POLR3A: variants seen among roughly 807,000 people sequenced by gnomAD.
The protein encoded by POLR3A is DNA-directed RNA polymerase III subunit RPC1.
In POLR3A, 112 loss-of-function variants were observed where a neutral mutation model predicts 152.8. That is an observed-to-expected ratio of 0.73 (90% confidence interval 0.63 to 0.86). POLR3A has a LOEUF of 0.86. Ranked by LOEUF, POLR3A falls within the 40% of genes least tolerant of loss-of-function variation. The pLI is 0.00. For synonymous variants in POLR3A, 615 were observed against 652.1 expected (o/e 0.94, Z 0.87); for missense variants, 1,385 against 1,743.1 (o/e 0.79, Z 3.66).
At chr10:78,001,792 C>CGG (rs1847359870) in intron 17 of POLR3A, among the ~76,000 whole-genome samples, 2 of 152,090 alleles carry the variant, frequency 1.3e-5, no homozygotes, top group Non-Finnish European at 2.9e-5. Context: ...CAAGCCACCA[C>CGG]GCCCAGCTAA....
intron 18 of POLR3A, among the ~76,000 whole-genome samples, 157 bp from the exon 19 acceptor site, chr10:78,000,275 G>A (rs1847344544): frequency 6.6e-6 from 1 of 152,184 alleles, no homozygotes; most frequent in Admixed American, 6.5e-5. Flanking sequence ...CTTTCCTTAT[G>A]GAGAAATACT....
At position 77,980,208 on chromosome 10, in the gene POLR3A, G is replaced by A. The variant is rs1847126887; in HGVS notation, c.3957C>T (p.Ala1319=). ...GATGGTCAGCCGTCTTCTCAAAGGAGGCCAGCATCAGCACACTCTCCTTCA... is the reference window on the plus strand; with the variant it reads ...GATGGTCAGCCGTCTTCTCAAAGGAAGCCAGCATCAGCACACTCTCCTTCA... ...AKMKESVLML[A]SFEKTADHLF... The change falls in exon 30 of 31, where the codon GCC becomes GCT. Residue 1319 remains alanine, a synonymous_variant. Transcript: ENST00000372371. 6.2e-7 allele frequency: 1 copy of A among 1,613,754 alleles called. No individual in the cohort carries two copies. The highest frequency in any genetic ancestry group is 8.5e-7 in the Non-Finnish European group (1 of 1,179,674).
At chr10:77,980,557 G>C (rs1030190306) in intron 29 of POLR3A, among the ~76,000 whole-genome samples, 1 of 151,740 alleles carries the variant, frequency 6.6e-6, no homozygotes, top group Non-Finnish European at 1.5e-5. Flanking sequence ...TTTCTGAAGA[G>C]ATTTCTTATG....
intron 20 of POLR3A, among the ~76,000 whole-genome samples, chr10:77,991,793 A>G (rs559551061): frequency 1.7e-4 from 26 of 152,324 alleles, no homozygotes; most frequent in African/African-American, 6.0e-4. Context: ...CCAAAGGACT[A>G]GGATTACAAG....
At chr10:77,992,578 GA>G (rs1847260169) in intron 20 of POLR3A, among the ~76,000 whole-genome samples, 1 of 151,546 alleles carries the variant, frequency 6.6e-6, no homozygotes, top group Non-Finnish European at 1.5e-5. Context: ...AAGTAGCTGG[GA>G]TTATAGGCAC....
At chr10:78,002,360 A>G (rs1333068061) in intron 16 of POLR3A, 52 bp from the exon 17 acceptor site, 10 of 1,117,686 alleles carry the variant, frequency 8.9e-6, no homozygotes, top group Non-Finnish European at 1.1e-5. Context: ...GTCTCTGTGG[A>G]TTACAAATGT....
chr10:77,983,968 A>G lies in POLR3A; in HGVS notation c.3381T>C (p.Phe1127=). ...GTTCCAGGGAGAGCTTGACGAGAAT[A>G]AAGCAGTCATCAGGAAGAAACACTT... The part of the protein sequence containing the change: ...IEEVFLPDDC[F]ILVKLSLERI... Residue 1127 remains phenylalanine, a synonymous_variant, in exon 26 of 31, where the codon TTT becomes TTC. Coordinates refer to ENST00000372371, the MANE Select transcript of POLR3A (RefSeq NM_007055.4). The G allele has an allele frequency of 6.2e-7, 1 of 1,612,994 alleles. No homozygotes were observed. Among genetic ancestry groups the G allele is most frequent in the Non-Finnish European group, 8.5e-7 (1 of 1,178,966 alleles).
intron 19 of POLR3A, among the ~76,000 whole-genome samples, chr10:77,998,505 C>T (rs1320071722): frequency 6.6e-6 from 1 of 152,218 alleles, no homozygotes; most frequent in African/African-American, 2.4e-5. Context: ...TGAACAGACA[C>T]TTCTCAAAAG....
intron 21 of POLR3A, among the ~76,000 whole-genome samples, chr10:77,988,482 ACT>A (rs758340484): frequency 2.0e-5 from 3 of 151,402 alleles, no homozygotes; most frequent in Non-Finnish European, 4.4e-5. Flanking sequence ...AGATTGTGAG[ACT>A]CTGTCTCAGG....
intron 20 of POLR3A, among the ~76,000 whole-genome samples, chr10:77,991,820 A>C (rs1847251209): frequency 6.6e-6 from 1 of 152,112 alleles, no homozygotes; most frequent in Admixed American, 6.6e-5. Context: ...CCCCAGCAGA[A>C]TTTCCTCTTT....
intron 10 of POLR3A, 33 bp downstream of exon 10, chr10:78,017,542 G>A (rs1589316351): frequency 8.1e-6 from 13 of 1,610,640 alleles, no homozygotes; most frequent in East Asian, 2.2e-5. Flanking sequence ...AAATTTCTAC[G>A]TGATGGAAAA....
Position 77,977,422 on chromosome 10 carries a change from T to A in POLR3A, c.*56A>T. The A allele has an allele frequency of 6.3e-7, 1 of 1,587,082 alleles. No homozygotes were observed. The highest frequency in any genetic ancestry group is 1.1e-5 in the South Asian group (1 of 90,534). On this transcript the variant is annotated 3_prime_UTR_variant, in exon 31 of 31. Transcript: ENST00000372371. Reference sequence around the variant, plus strand: ...CAGGGAGCACAAAACTCTTTATACATCAGCTGGAGACAGGACAAGGAGTCA... The same window carrying A: ...CAGGGAGCACAAAACTCTTTATACAACAGCTGGAGACAGGACAAGGAGTCA...
In POLR3A at chr10:78,007,770, C is replaced by T. The variant is rs770551721; in HGVS notation, c.2006G>A (p.Arg669Gln). 18 of 1,613,956 alleles carry T rather than the reference C, an allele frequency of 1.1e-5. No individual in the cohort carries two copies. In the African/African-American group the frequency reaches 1.2e-4, roughly 11 times the overall value. Residue 669 changes from arginine to glutamine, a missense_variant, in exon 15 of 31, where the codon CGA (arginine) becomes CAA (glutamine). Physicochemically the swap from Arg to Gln is conservative, Grantham distance 43. Transcript: ENST00000372371. Reference protein sequence around the residue: ...SKNNIFYILLRDWGQNEAADA... With the variant: ...SKNNIFYILLQDWGQNEAADA... ...TGCAGCTTCATTCTGTCCCCAGTCTCGCAGCAAAATGTAAAAAATATTGTT... is the reference window on the plus strand; with the variant it reads ...TGCAGCTTCATTCTGTCCCCAGTCTTGCAGCAAAATGTAAAAAATATTGTT...
At chr10:78,009,811 C>T (rs951091323) in intron 13 of POLR3A, 53 bp downstream of exon 13, 44 of 1,609,550 alleles carry the variant, frequency 2.7e-5, no homozygotes, top group Admixed American at 2.5e-4. Context: ...ACCAGTCTAC[C>T]CCCACAGACA....
chr10:77,989,714 T>G (rs1847229435), intron 21 of POLR3A, among the ~76,000 whole-genome samples: 1 of 152,176 alleles, frequency 6.6e-6, no homozygotes, highest in South Asian at 2.1e-4. Context: ...TCTGTTGGCG[T>G]TCACAGCATG....
At chr10:77,998,126 T>G (rs928572246) in intron 19 of POLR3A, among the ~76,000 whole-genome samples, 1 of 152,158 alleles carries the variant, frequency 6.6e-6, no homozygotes, top group Non-Finnish European at 1.5e-5. Flanking sequence ...CTGGATCCCT[T>G]CCTTATACCT....
Position 77,975,760 on chromosome 10 carries a change from C to G in POLR3A, c.*1718G>C, listed in dbSNP as rs144088118. ...CAATTCTACCCTCCCCTGGCCTTTG[C>G]ACGGATCCCAGTGGTCCTGGCTCGG... On this transcript the variant is annotated 3_prime_UTR_variant, in exon 31 of 31. Transcript: ENST00000372371. The G allele has an allele frequency of 3.8e-3, 579 of 152,418 alleles. 5 individuals are homozygous for G. The highest frequency in any genetic ancestry group is 0.013 in the African/African-American group (543 of 41,584). 9.4% of individuals were successfully genotyped at this position (152,418 alleles called of 1,614,324 possible). A position where few individuals can be genotyped will look rare whatever the true frequency, so the allele number is the denominator to read the frequency against.
At chr10:78,016,990 C>G (rs1404482781) in intron 10 of POLR3A, among the ~76,000 whole-genome samples, 1 of 150,364 alleles carries the variant, frequency 6.7e-6, no homozygotes, top group Non-Finnish European at 1.5e-5. Flanking sequence ...CAATTAAATC[C>G]TCTCTTAGTG....
intron 1 of POLR3A, among the ~76,000 whole-genome samples, chr10:78,029,065 G>A (rs16935549): frequency 0.012 from 1,773 of 152,220 alleles, 32 homozygotes; most frequent in African/African-American, 0.04. Flanking sequence ...GAAGAACAGG[G>A]ATCATTGTAT....
Sources: allele counts gnomAD v4.1 joint callset (sites outside exome capture counted in the v4.1 genomes callset), GRCh38; gene constraint gnomAD v4.1.1; transcripts MANE v1.5; gene names NCBI Gene and HGNC (gene_info 2026-07-23, HGNC 2026-07-21).